Variants in PCBP3 observed in about 807,000 individuals in gnomAD.
PCBP3 encodes poly(rC) binding protein 3.
Under a neutral mutation model 52.7 loss-of-function variants are expected in PCBP3, and 25 were observed. That is an observed-to-expected ratio of 0.47 (90% confidence interval 0.35 to 0.66). The LOEUF is 0.66. Ranked by LOEUF, PCBP3 falls within the 30% of genes least tolerant of loss-of-function variation. The pLI, the probability that PCBP3 is intolerant of heterozygous loss-of-function variation, is 0.01. For missense variants in PCBP3, 391 were observed against 490.3 expected, an observed-to-expected ratio of 0.80 and a Z score of 1.91; for synonymous variants, 162 against 183.0, an observed-to-expected ratio of 0.89 and a Z score of 0.93.
At chr21:45,787,182 A>C (rs1054303656) in intron 4 of PCBP3, among the ~76,000 whole-genome samples, 1 of 152,210 alleles carries the variant, frequency 6.6e-6, no homozygotes, top group Non-Finnish European at 1.5e-5. Context: ...GCATGTGTTC[A>C]TAATCAGTGC....
chr21:45,870,355 C>T (rs1024743415), intron 5 of PCBP3, among the ~76,000 whole-genome samples: 21 of 152,300 alleles, frequency 1.4e-4, no homozygotes, highest in African/African-American at 4.8e-4. Context: ...GCTTATTTTC[C>T]TGTCATAATA....
rs9983545 is a variant in PCBP3, at chr21:45,678,165, C to A, written c.-200+9213C>A. On this transcript the variant is annotated intron_variant, in intron 2 of 17. Coordinates refer to ENST00000681687, the MANE Select transcript of PCBP3 (RefSeq NM_001384156.1). ...GACCAGCCTGGCTAACACGGTGAAA[C>A]CCCGTCTCTACTAAAAATACAAAAA... is the stretch of plus-strand genomic sequence containing the variant. 6.1e-3 allele frequency among the ~76,000 whole-genome samples: 923 copies of A among 152,042 alleles called. 10 individuals are homozygous for A. Among genetic ancestry groups the A allele is most frequent in the African/African-American group, 0.021 (876 of 41,486 alleles).
chr21:45,887,405 G>A (rs147867591), intron 5 of PCBP3, among the ~76,000 whole-genome samples: 4 of 152,352 alleles, frequency 2.6e-5, no homozygotes, highest in East Asian at 3.9e-4. Context: ...GCTCAGCTGC[G>A]TCACCAGAGC....
chr21:45,861,680 G>A (rs1340199195), intron 5 of PCBP3, among the ~76,000 whole-genome samples: 1 of 152,226 alleles, frequency 6.6e-6, no homozygotes, highest in Non-Finnish European at 1.5e-5. Context: ...CGAGGGCAGA[G>A]CCTGCCCAGT....
rs960966136 is a variant in PCBP3, at chr21:45,895,578, G to A, written c.11-630G>A. Among the ~76,000 whole-genome samples the A allele has an allele frequency of 5.9e-5, 9 of 152,348 alleles. No individual in the cohort carries two copies. In the South Asian group the frequency reaches 8.3e-4, roughly 14 times the overall value. On this transcript the variant is annotated intron_variant, in intron 5 of 17. Transcript: ENST00000681687. ...GCCTTAATTTTGCCCAGTGGGCTCCGTCAACTCACTGAATGATGGCACACA... is the reference window on the plus strand; with the variant it reads ...GCCTTAATTTTGCCCAGTGGGCTCCATCAACTCACTGAATGATGGCACACA...
At chr21:45,814,644 GAGTGGTGA>G (rs1275576002) in intron 4 of PCBP3, among the ~76,000 whole-genome samples, 8 of 133,494 alleles carry the variant, frequency 6.0e-5, no homozygotes, top group Non-Finnish European at 4.8e-5. Flanking sequence ...AGTGGTGAGT[GAGTGGTGA>G]GTGAGTGGTG....
chr21:45,674,634 G>A (rs570266671), intron 2 of PCBP3, among the ~76,000 whole-genome samples: 103 of 152,242 alleles, frequency 6.8e-4, no homozygotes, highest in Non-Finnish European at 1.3e-3. Context: ...ATAAACTTGA[G>A]GTAGCCATAC....
In PCBP3 at chr21:45,735,877, T is replaced by C. The variant is rs1236386220; in HGVS notation, c.-162+448T>C. Among the ~76,000 whole-genome samples the C allele has an allele frequency of 6.6e-6, 1 of 152,196 alleles. No homozygotes were observed. Among genetic ancestry groups the C allele is most frequent in the African/African-American group, 2.4e-5 (1 of 41,448 alleles). ...CGGTGGCCATGATGGCACCACAATG[T>C]CTGAAGCCACACAGTGCATGGGTGA... On this transcript the variant is annotated intron_variant, in intron 3 of 17. Coordinates refer to ENST00000681687, the MANE Select transcript of PCBP3 (RefSeq NM_001384156.1). This position sits in a 1 kb window ranked among gnomAD's most constrained non-coding sequence, Gnocchi z 4.0.
At chr21:45,823,847 T>C (rs1467962193) in intron 4 of PCBP3, among the ~76,000 whole-genome samples, 5 of 152,054 alleles carry the variant, frequency 3.3e-5, no homozygotes, top group Admixed American at 3.3e-4. Flanking sequence ...GTTCCAGCAA[T>C]TCTCCTGCCT....
chr21:45,783,183 A>T (rs913264600), intron 4 of PCBP3, among the ~76,000 whole-genome samples: 4 of 152,226 alleles, frequency 2.6e-5, no homozygotes, highest in African/African-American at 9.6e-5. Flanking sequence ...TTTTGGTTTT[A>T]ATTTGTAAAT....
chr21:45,706,154 C>A (rs895631737), intron 2 of PCBP3, among the ~76,000 whole-genome samples: 1 of 152,232 alleles, frequency 6.6e-6, no homozygotes, highest in African/African-American at 2.4e-5. Context: ...CCTCCTGGAG[C>A]AGTCTTCTCT....
At chr21:45,680,430 C>T (rs55923134) in intron 2 of PCBP3, among the ~76,000 whole-genome samples, 23,182 of 152,030 alleles carry the variant, frequency 0.15, 1,912 homozygotes, top group Middle Eastern at 0.3. Context: ...AATTTCTACA[C>T]GTTTTGGTGG....
At chr21:45,749,870 C>G (rs2087262021) in intron 3 of PCBP3, 2 of 152,244 alleles carry the variant, frequency 1.3e-5, no homozygotes, top group Non-Finnish European at 2.9e-5. Context: ...ATTTTCCCTC[C>G]AGCACAGGAT....
At chr21:45,874,821 G>C (rs2095187240) in intron 5 of PCBP3, among the ~76,000 whole-genome samples, 1 of 152,174 alleles carries the variant, frequency 6.6e-6, no homozygotes, top group African/African-American at 2.4e-5. Context: ...TCCCGTCACT[G>C]TGTCGGTCCC....
chr21:45,734,778 T>G (rs1427814270), intron 2 of PCBP3, among the ~76,000 whole-genome samples: 1 of 152,218 alleles, frequency 6.6e-6, no homozygotes, highest in African/African-American at 2.4e-5. Context: ...TTGTCTGACT[T>G]TTAAGTGAGG....
chr21:45,876,800 C>G (rs1411108540), intron 5 of PCBP3, among the ~76,000 whole-genome samples: 1 of 152,264 alleles, frequency 6.6e-6, no homozygotes, highest in East Asian at 1.9e-4. Flanking sequence ...ACAGTCACAT[C>G]CCCCAGACAG....
chr21:45,801,775 T>C lies in PCBP3; in HGVS notation c.-126+46323T>C, dbSNP rs1425031502. Among the ~76,000 whole-genome samples, 3 of 152,374 alleles carry C rather than the reference T, an allele frequency of 2.0e-5. No homozygotes were observed. In the East Asian group the frequency reaches 5.8e-4, roughly 29 times the overall value. On this transcript the variant is annotated intron_variant, in intron 4 of 17. Coordinates refer to ENST00000681687, the MANE Select transcript of PCBP3 (RefSeq NM_001384156.1). ...AGATCCTGTCACTGCATTTGCTAAT[T>C]TGTTGCATTAGCAAGTATTTGGCTT...
At chr21:45,895,758 C>T (rs1055835558) in intron 5 of PCBP3, among the ~76,000 whole-genome samples, 14 of 152,230 alleles carry the variant, frequency 9.2e-5, no homozygotes, top group Admixed American at 3.9e-4. Flanking sequence ...CGTGAAGGGC[C>T]GGCTCCCACA....
chr21:45,923,071 G>A (rs543563490), intron 13 of PCBP3, among the ~76,000 whole-genome samples: 52 of 152,374 alleles, frequency 3.4e-4, no homozygotes, highest in South Asian at 8.3e-4. Context: ...GGACTCTGTC[G>A]GTGCCACGCA....
Sources: allele counts gnomAD v4.1 joint callset (sites outside exome capture counted in the v4.1 genomes callset), GRCh38; gene constraint gnomAD v4.1.1; non-coding constraint Gnocchi (gnomAD v3.1); transcripts MANE v1.5; gene names NCBI Gene and HGNC (gene_info 2026-07-23, HGNC 2026-07-21).